The following MAPKAPK2 variants were observed in gnomAD, a reference collection of about 807,000 sequenced individuals.
The protein encoded by MAPKAPK2 is MAP kinase-activated protein kinase 2.
Under a neutral mutation model 48.8 loss-of-function variants are expected in MAPKAPK2, and 9 were observed. The observed-to-expected ratio is 0.18, with a 90% CI of 0.11 to 0.32. The LOEUF (loss-of-function observed/expected upper bound fraction) is 0.32. Among genes scored for constraint, MAPKAPK2 ranks in the 10% least tolerant of loss-of-function variants. The probability of loss-of-function intolerance (pLI) is 1.00; values close to 1 mark genes in which losing one functional copy is unlikely to be tolerated. For synonymous variants in MAPKAPK2, 202 were observed against 190.6 expected (o/e 1.06, Z -0.49); for missense variants, 331 against 498.3 (o/e 0.66, Z 3.20).
chr1:206,708,781 A>G (rs1443196672), intron 1 of MAPKAPK2, among the ~76,000 whole-genome samples: 3 of 152,144 alleles, frequency 2.0e-5, no homozygotes, highest in Non-Finnish European at 4.4e-5. Context: ...TCATCCCAAC[A>G]CATACCCCCT....
At position 206,704,280 on chromosome 1, in the gene MAPKAPK2, C is replaced by T. The variant is rs183082907; in HGVS notation, c.279+18772C>T. On this transcript the variant is annotated intron_variant, in intron 1 of 9. Coordinates refer to ENST00000367103, the MANE Select transcript of MAPKAPK2 (RefSeq NM_032960.4). The surrounding 1 kb of genome is among the most constrained non-coding windows in gnomAD (Gnocchi z 4.3). The stretch of plus-strand genomic sequence containing the variant: ...CTGAGTGTCTCTCACTCGTTGTTAC[C>T]TGTCCATTTGTTACCTGGCCCACGG... 1.4e-4 allele frequency among the ~76,000 whole-genome samples: 21 copies of T among 152,330 alleles called. No homozygotes were observed. The highest frequency in any genetic ancestry group is 1.9e-4 in the Non-Finnish European group (13 of 68,034).
chr1:206,712,931 A>C (rs1030235686), intron 1 of MAPKAPK2, among the ~76,000 whole-genome samples: 4 of 139,252 alleles, frequency 2.9e-5, no homozygotes, highest in Non-Finnish European at 4.6e-5. Context: ...GTGCCACTGC[A>C]TTCCAGCCTG....
intron 1 of MAPKAPK2, among the ~76,000 whole-genome samples, chr1:206,708,282 C>T (rs569348459): frequency 6.6e-6 from 1 of 152,346 alleles, no homozygotes; most frequent in South Asian, 2.1e-4. Flanking sequence ...CTCCCAGCCA[C>T]CTCTTGTTTC....
At chr1:206,702,033 G>A (rs1168792993) in intron 1 of MAPKAPK2, among the ~76,000 whole-genome samples, 1 of 152,098 alleles carries the variant, frequency 6.6e-6, no homozygotes, top group Non-Finnish European at 1.5e-5. Context: ...AACCTGGAAT[G>A]TGCATTTTTA....
Position 206,705,831 on chromosome 1 carries a change from G to A in MAPKAPK2, c.279+20323G>A, listed in dbSNP as rs1036232558. Among the ~76,000 whole-genome samples the A allele has an allele frequency of 2.0e-5, 3 of 152,194 alleles. 1 individual carries two copies. Among genetic ancestry groups the A allele is most frequent in the Admixed American group, 6.5e-5 (1 of 15,282 alleles). ...TGGACTTGTGCTTGGAACGTTGGTC[G>A]GAGGTGGATATGAATGATGGGTCCT... On this transcript the variant is annotated intron_variant, in intron 1 of 9. Transcript: ENST00000367103.
chr1:206,729,200 T>A, intron 3 of MAPKAPK2, 101 bp downstream of exon 3: 1 of 1,301,862 alleles, frequency 7.7e-7, no homozygotes, highest in Admixed American at 1.7e-5. Flanking sequence ...GTGCTGAGGC[T>A]GCTGCCCCCT....
chr1:206,689,087 T>G (rs1463170772), intron 1 of MAPKAPK2, among the ~76,000 whole-genome samples: 1 of 152,212 alleles, frequency 6.6e-6, no homozygotes, highest in Non-Finnish European at 1.5e-5. Context: ...GACTGTATCG[T>G]TGTTCTCTGC....
intron 1 of MAPKAPK2, among the ~76,000 whole-genome samples, chr1:206,713,088 G>A (rs1267120823): frequency 4.0e-5 from 6 of 151,896 alleles, no homozygotes; most frequent in Admixed American, 2.6e-4. Context: ...GCCATGTACC[G>A]GGTCTAGGAT....
intron 1 of MAPKAPK2, chr1:206,696,212 G>C: frequency 6.9e-7 from 1 of 1,459,090 alleles, no homozygotes. Context: ...TCAGCCACCT[G>C]AGGTCTGAGG....
chr1:206,686,490 T>TGCA (rs760728741), intron 1 of MAPKAPK2, among the ~76,000 whole-genome samples: 154 of 152,320 alleles, frequency 1.0e-3, no homozygotes, highest in Admixed American at 1.4e-3. Flanking sequence ...GAGCCGGTCT[T>TGCA]GCAGGGTCAC....
chr1:206,722,763 A>C (rs540592933), intron 1 of MAPKAPK2, among the ~76,000 whole-genome samples: 1 of 152,294 alleles, frequency 6.6e-6, no homozygotes, highest in East Asian at 1.9e-4. Context: ...CTGCTCCAGC[A>C]CCTTGCTAAG....
At chr1:206,686,823 C>T (rs74147155) in intron 1 of MAPKAPK2, among the ~76,000 whole-genome samples, 140 of 152,290 alleles carry the variant, frequency 9.2e-4, no homozygotes, top group African/African-American at 3.3e-3. Flanking sequence ...CTGCTGCTCT[C>T]ATACTCAACC....
intron 1 of MAPKAPK2, among the ~76,000 whole-genome samples, chr1:206,711,804 G>T (rs570207413): frequency 2.0e-5 from 3 of 151,324 alleles, no homozygotes; most frequent in Admixed American, 6.6e-5. Flanking sequence ...TATTTTATTC[G>T]TAGAGACAGG....
At chr1:206,701,262 G>A (rs1339010706) in intron 1 of MAPKAPK2, among the ~76,000 whole-genome samples, 1 of 152,190 alleles carries the variant, frequency 6.6e-6, no homozygotes, top group Non-Finnish European at 1.5e-5. Flanking sequence ...TTGAAATTAA[G>A]TGTTAATAAC....
rs143044784 is a variant in MAPKAPK2, at chr1:206,693,169, G to A, written c.279+7661G>A. 3.2e-3 allele frequency among the ~76,000 whole-genome samples: 488 copies of A among 152,190 alleles called. 1 individual carries two copies. The highest frequency in any genetic ancestry group is 4.9e-3 in the Non-Finnish European group (335 of 68,016). ...TGTTAGGAGGCTCTCAGTACACACC[G>A]GACCTTAGCAGCCTGGCCTCCTGCC... On this transcript the variant is annotated intron_variant, in intron 1 of 9. Coordinates refer to ENST00000367103, the MANE Select transcript of MAPKAPK2 (RefSeq NM_032960.4).
At chr1:206,699,930 T>C (rs972145451) in intron 1 of MAPKAPK2, among the ~76,000 whole-genome samples, 2 of 151,954 alleles carry the variant, frequency 1.3e-5, no homozygotes, top group Admixed American at 6.5e-5. Flanking sequence ...TTCTCTCTCT[T>C]TTTCTTTTCT....
intron 1 of MAPKAPK2, among the ~76,000 whole-genome samples, chr1:206,693,206 A>G (rs566557408): frequency 1.3e-5 from 2 of 152,192 alleles, no homozygotes; most frequent in African/African-American, 4.8e-5. Context: ...AGGGCCCAGA[A>G]CTGTTACTCA....
intron 1 of MAPKAPK2, among the ~76,000 whole-genome samples, chr1:206,690,511 G>A (rs1249401945): frequency 6.6e-6 from 1 of 152,252 alleles, no homozygotes; most frequent in Non-Finnish European, 1.5e-5. Context: ...CTTTGTGGGA[G>A]GAGGAAGGTA....
chr1:206,690,811 T>G (rs974408783), intron 1 of MAPKAPK2, among the ~76,000 whole-genome samples: 5 of 152,198 alleles, frequency 3.3e-5, no homozygotes, highest in African/African-American at 1.2e-4. Flanking sequence ...CCAAGCAGCC[T>G]TGCCATGCTC....
Sources: gnomAD v4.1 joint callset for allele counts (sites outside exome capture counted in the v4.1 genomes callset) on GRCh38, gnomAD v4.1.1 for gene constraint, Gnocchi (gnomAD v3.1) non-coding constraint, MANE v1.5 for transcripts, NCBI Gene and HGNC (gene_info 2026-07-23, HGNC 2026-07-21) for gene names.